VPS13A: variants seen among roughly 807,000 people sequenced by gnomAD.
The protein encoded by VPS13A is intermembrane lipid transfer protein VPS13A.
Under a neutral mutation model 390.9 loss-of-function variants are expected in VPS13A, and 264 were observed. The ratio of observed to expected loss-of-function variants is 0.68; its 90% CI spans 0.61 to 0.75. The LOEUF is 0.75. Among genes scored for constraint, VPS13A ranks in the 30% least tolerant of loss-of-function variants. VPS13A has a pLI of 0.00. For missense variants in VPS13A, 3,409 were observed against 3,733.9 expected, an observed-to-expected ratio of 0.91 and a Z score of 2.27; for synonymous variants, 1,231 against 1,227.1, an observed-to-expected ratio of 1.00 and a Z score of -0.07.
intron 47 of VPS13A, 75 bp downstream of exon 47, chr9:77,337,612 A>G: frequency 6.9e-7 from 1 of 1,444,454 alleles, no homozygotes; most frequent in Non-Finnish European, 9.5e-7. Context: ...AGATCAATAA[A>G]AACTATTTTA....
intron 15 of VPS13A, 67 bp from the exon 16 acceptor site, chr9:77,227,324 G>A (rs1823572811): frequency 9.1e-7 from 1 of 1,097,246 alleles, no homozygotes. Flanking sequence ...TTTATTAAAG[G>A]CAGATACATT....
intron 1 of VPS13A, among the ~76,000 whole-genome samples, chr9:77,184,141 T>TAC (rs1254016505): frequency 6.6e-5 from 10 of 152,190 alleles, no homozygotes; most frequent in African/African-American, 2.4e-4. Flanking sequence ...GACAAATACA[T>TAC]ACACACATGT....
At chr9:77,397,755 G>A (rs538794100) in intron 68 of VPS13A, among the ~76,000 whole-genome samples, 1 of 152,192 alleles carries the variant, frequency 6.6e-6, no homozygotes, top group South Asian at 2.1e-4. Context: ...AAAAGGACCT[G>A]TTTACCAGTA....
chr9:77,222,157 T>G lies in VPS13A; in HGVS notation c.1161+801T>G, dbSNP rs138216717. On this transcript the variant is annotated intron_variant, in intron 13 of 71. Coordinates refer to ENST00000360280, the MANE Select transcript of VPS13A (RefSeq NM_033305.3). ...ATTTATAGATTAGATTGACTTTTAC[T>G]TTTATTTTCAATGTGGGAGACTTTC... Among the ~76,000 whole-genome samples the G allele has an allele frequency of 4.8e-3, 730 of 152,258 alleles. 2 individuals are homozygous for G. The highest frequency in any genetic ancestry group is 7.7e-3 in the Non-Finnish European group (521 of 68,006).
chr9:77,255,320 C>T (rs1408213641), intron 22 of VPS13A, among the ~76,000 whole-genome samples: 1 of 151,934 alleles, frequency 6.6e-6, no homozygotes, highest in Non-Finnish European at 1.5e-5. Context: ...CTTAATTGCT[C>T]TCTATATATT....
At chr9:77,246,486 G>GA (rs1491567726) in intron 19 of VPS13A, among the ~76,000 whole-genome samples, 2 of 149,402 alleles carry the variant, frequency 1.3e-5, no homozygotes, top group Admixed American at 6.7e-5. Flanking sequence ...GTGTGTGTGT[G>GA]AAAAAATGTG....
intron 22 of VPS13A, among the ~76,000 whole-genome samples, chr9:77,256,543 A>G (rs962719446): frequency 6.6e-6 from 1 of 152,056 alleles, no homozygotes; most frequent in African/African-American, 2.4e-5. Context: ...TTCCTTATTA[A>G]TCTACTGCCT....
chr9:77,391,615 G>T (rs534167671), intron 68 of VPS13A, among the ~76,000 whole-genome samples: 4 of 151,992 alleles, frequency 2.6e-5, no homozygotes, highest in Admixed American at 6.6e-5. Flanking sequence ...AGAACCCTAC[G>T]GAAGCACTAT....
chr9:77,268,659 C>G (rs1176031526), intron 23 of VPS13A, among the ~76,000 whole-genome samples: 1 of 151,976 alleles, frequency 6.6e-6, no homozygotes, highest in Non-Finnish European at 1.5e-5. Flanking sequence ...TATGTTACTA[C>G]CTGGGCGTGG....
intron 3 of VPS13A, among the ~76,000 whole-genome samples, chr9:77,201,880 G>T (rs1015659672): frequency 6.6e-6 from 1 of 152,102 alleles, no homozygotes; most frequent in African/African-American, 2.4e-5. Context: ...ATTTTTACCA[G>T]TGTTTACTGT....
At chr9:77,318,188 A>G (rs1413937828) in intron 40 of VPS13A, 47 bp from the exon 41 acceptor site, 2 of 1,052,324 alleles carry the variant, frequency 1.9e-6, no homozygotes, top group Middle Eastern at 2.9e-4. Flanking sequence ...TTGACGTAGT[A>G]TGTTTGAAAG....
At chr9:77,357,205 G>A (rs1194855776) in intron 55 of VPS13A, among the ~76,000 whole-genome samples, 2 of 149,598 alleles carry the variant, frequency 1.3e-5, no homozygotes, top group Admixed American at 6.8e-5. Context: ...TGTAATCCCC[G>A]CTATTCAGGA....
At chr9:77,238,545 G>A (rs1824283777) in intron 19 of VPS13A, among the ~76,000 whole-genome samples, 159 bp downstream of exon 19, 1 of 152,160 alleles carries the variant, frequency 6.6e-6, no homozygotes. Flanking sequence ...ATGTTTAAAG[G>A]CAGATAAAAC....
At chr9:77,252,062 G>A (rs138954853) in intron 21 of VPS13A, among the ~76,000 whole-genome samples, 173 bp from the exon 22 acceptor site, 4 of 152,090 alleles carry the variant, frequency 2.6e-5, no homozygotes, top group Admixed American at 6.5e-5. Flanking sequence ...CAGTGGATGC[G>A]CAGTAGATTT....
chr9:77,241,428 A>G (rs1266268934), intron 19 of VPS13A, among the ~76,000 whole-genome samples: 2 of 135,266 alleles, frequency 1.5e-5, no homozygotes, highest in Non-Finnish European at 3.1e-5. Context: ...GGATATCTTT[A>G]CACTTGTCTT....
intron 59 of VPS13A, among the ~76,000 whole-genome samples, chr9:77,362,577 A>G (rs1249851220): frequency 6.6e-6 from 1 of 152,238 alleles, no homozygotes; most frequent in Non-Finnish European, 1.5e-5. Context: ...TTCTTTTTCA[A>G]GATGGGTTTG....
intron 31 of VPS13A, among the ~76,000 whole-genome samples, chr9:77,287,104 A>G (rs897003428): frequency 3.3e-5 from 5 of 149,378 alleles, no homozygotes; most frequent in South Asian, 2.1e-4. Flanking sequence ...ATATAATTAT[A>G]TAGATACAAT....
intron 67 of VPS13A, among the ~76,000 whole-genome samples, chr9:77,375,535 T>C (rs1174342433): frequency 2.0e-5 from 3 of 152,162 alleles, no homozygotes; most frequent in Non-Finnish European, 4.4e-5. Context: ...ATAAGGTAAT[T>C]AGGTAATGAT....
rs1354623486 is a variant in VPS13A at position 77,275,593 on chromosome 9, CAAAAGCAG to C, written c.2609_2616del (p.Gln870ArgfsTer10). The C allele has an allele frequency of 5.8e-5, 93 of 1,613,516 alleles. No individual in the cohort carries two copies. Among genetic ancestry groups the C allele is most frequent in the Non-Finnish European group, 7.6e-5 (90 of 1,179,728 alleles). On this transcript the variant is annotated frameshift_variant, in exon 25 of 72. Transcript: ENST00000360280. LOFTEE classifies it high-confidence loss of function. ...TAAAAGTATTCGAACCAGAAAGTTA[CAAAAGCAG>C]GATTGTTCAGTAAATATGACTACAT...
Sources: gnomAD v4.1 joint callset for allele counts (sites outside exome capture counted in the v4.1 genomes callset) on GRCh38, gnomAD v4.1.1 for gene constraint, MANE v1.5 for transcripts, NCBI Gene and HGNC (gene_info 2026-07-23, HGNC 2026-07-21) for gene names.